KCNQ4: variants seen among roughly 807,000 people sequenced by gnomAD.
KCNQ4 encodes the protein potassium voltage-gated channel subfamily Q member 4.
In KCNQ4, 31 loss-of-function variants were observed where a neutral mutation model predicts 72.6. The observed-to-expected ratio is 0.43, with a 90% CI of 0.32 to 0.58. The LOEUF (loss-of-function observed/expected upper bound fraction) is 0.58, where lower values mean the gene tolerates loss of function less well. Among genes scored for constraint, KCNQ4 ranks in the 20% least tolerant of loss-of-function variants. The pLI is 0.08. For synonymous variants in KCNQ4, 405 were observed against 403.7 expected (o/e 1.00, Z -0.04); for missense variants, 869 against 962.6 (o/e 0.90, Z 1.29).
At chr1:40,807,435 C>T (rs1558001865) in intron 1 of KCNQ4, among the ~76,000 whole-genome samples, 1 of 152,194 alleles carries the variant, frequency 6.6e-6, no homozygotes, top group Non-Finnish European at 1.5e-5. Context: ...GTGGCGGCGG[C>T]CCTGGTGTGG....
chr1:40,795,417 G>A (rs1647384279), intron 1 of KCNQ4, among the ~76,000 whole-genome samples: 1 of 151,910 alleles, frequency 6.6e-6, no homozygotes, highest in Admixed American at 6.6e-5. Context: ...GCACGTCACG[G>A]CGCTAGGCTA....
chr1:40,826,697 AC>A, intron 9 of KCNQ4: 1 of 455,322 alleles, frequency 2.2e-6, no homozygotes, highest in South Asian at 1.6e-5. Context: ...AGACCGAGGT[AC>A]CCCCTCGCCT....
At position 40,824,236 on chromosome 1, in the gene KCNQ4, A is replaced by G. The variant is rs1648405832; in HGVS notation, c.1270A>G (p.Thr424Ala). 3 of 1,608,142 alleles carry G rather than the reference A, an allele frequency of 1.9e-6. No individual in the cohort carries two copies. The African/African-American group carries it at 4.0e-5, about 22-fold the overall frequency. ...PVATCHRPGS[T>A]SFCPGESSRM... is the part of the protein sequence containing the mutation. ...TGCCACCTGCCACCGGCCGGGCAGC[A>G]CCTCCTTCTGCCCTGGGGAAAGGTA... The change falls in exon 9 of 14, where the codon ACC (threonine) becomes GCC (alanine). Residue 424 changes from threonine to alanine, a missense_variant. By Grantham distance (58) the Thr-to-Ala change is moderately conservative. Around this residue, in one of 5 missense-constraint regions of KCNQ4, gnomAD observed 480 missense variants for 501.9 expected, o/e 0.96. Transcript: ENST00000347132.
intron 1 of KCNQ4, among the ~76,000 whole-genome samples, chr1:40,795,538 G>A (rs1432842362): frequency 2.6e-5 from 4 of 151,950 alleles, no homozygotes; most frequent in Admixed American, 6.5e-5. Context: ...CTGAGATTAC[G>A]GACATGAGCC....
chr1:40,837,924 G>A (rs1648853372), intron 13 of KCNQ4, 130 bp downstream of exon 13: 2 of 1,276,850 alleles, frequency 1.6e-6, no homozygotes, highest in Non-Finnish European at 1.1e-6. Flanking sequence ...CCCCCTCCCC[G>A]GCCGAAGCCC....
rs758101117 is a variant in KCNQ4, at chr1:40,822,347, C to T, written c.1075C>T (p.Arg359Trp). ...GCGCCTGTACTCCACCGATATGAGC[C>T]GGGCCTACCTGACAGCCACCTGGTA... ...AWRLYSTDMS[R>W]AYLTATWYYY... The change falls in exon 8 of 14, where the codon CGG (arginine) becomes TGG (tryptophan). Residue 359 changes from arginine (R) to tryptophan (W), a missense_variant. By Grantham distance (101) the Arg-to-Trp change is moderately radical (BLOSUM62 -3). Coordinates refer to ENST00000347132, the MANE Select transcript of KCNQ4 (RefSeq NM_004700.4). 7.5e-6 allele frequency: 11 copies of T among 1,472,438 alleles called. No homozygotes were observed. The highest frequency in any genetic ancestry group is 1.1e-5 in the South Asian group (1 of 89,068). 91.2% of individuals were successfully genotyped at this position (1,472,438 alleles called of 1,614,324 possible).
chr1:40,804,834 A>G, intron 1 of KCNQ4: 1 of 156,304 alleles, frequency 6.4e-6, no homozygotes, highest in Non-Finnish European at 1.4e-5. Context: ...AAAAAAAAAA[A>G]AAAGTCACAC....
intron 1 of KCNQ4, among the ~76,000 whole-genome samples, chr1:40,810,839 G>A (rs924518025): frequency 3.3e-5 from 5 of 152,188 alleles, no homozygotes; most frequent in African/African-American, 9.7e-5. Context: ...GTTTCTGACA[G>A]GGAAATTGAG....
intron 12 of KCNQ4, among the ~76,000 whole-genome samples, chr1:40,835,461 C>T (rs933789310): frequency 5.3e-5 from 8 of 152,220 alleles, no homozygotes; most frequent in Non-Finnish European, 1.2e-4. Flanking sequence ...CACTGCCCAC[C>T]TCTTGCCTCT....
chr1:40,819,119 A>G, intron 4 of KCNQ4: 3 of 363,950 alleles, frequency 8.2e-6, no homozygotes, highest in Non-Finnish European at 1.4e-5. Flanking sequence ...TGGAGACTCA[A>G]GGCAGGCGGG....
chr1:40,809,073 G>A (rs548800284), intron 1 of KCNQ4, among the ~76,000 whole-genome samples: 4 of 152,232 alleles, frequency 2.6e-5, no homozygotes, highest in South Asian at 2.1e-4. Context: ...CATTTTTCAC[G>A]CCTTATCTCA....
chr1:40,803,986 G>A (rs143334865), intron 1 of KCNQ4, among the ~76,000 whole-genome samples: 1 of 152,280 alleles, frequency 6.6e-6, no homozygotes, highest in Non-Finnish European at 1.5e-5. Context: ...TCAGCTCTTG[G>A]TGCTCTCTCT....
Position 40,794,771 on chromosome 1 carries a change from C to T in KCNQ4, c.314+10364C>T, listed in dbSNP as rs1439956326. 6.6e-6 allele frequency among the ~76,000 whole-genome samples: 1 copy of T among 152,142 alleles called. No homozygotes were observed. The highest frequency in any genetic ancestry group is 1.5e-5 in the Non-Finnish European group (1 of 68,024). On this transcript the variant is annotated intron_variant, in intron 1 of 13. Coordinates refer to ENST00000347132, the MANE Select transcript of KCNQ4 (RefSeq NM_004700.4). The surrounding 1 kb of genome is among the most constrained non-coding windows in gnomAD (Gnocchi z 4.2). ...AAAGTTGACAACCTTATGCAGTCCC[C>T]AAAGTGTTTTTGGAAATTTTACCGG...
chr1:40,806,631 T>A (rs1408800276), intron 1 of KCNQ4, among the ~76,000 whole-genome samples: 1 of 152,224 alleles, frequency 6.6e-6, no homozygotes, highest in Admixed American at 6.5e-5. Context: ...GCTTCTGTAC[T>A]ATTACATTTG....
At position 40,818,486 on chromosome 1, in the gene KCNQ4, G is replaced by C. The variant is rs749965609; in HGVS notation, c.533-19G>C. ...CGCGGGGTAGGCTGGCTGTGATCTC[G>C]CCGCCCCCGCCCCTGCAGACTTCAT... On this transcript the variant is annotated intron_variant, in intron 3 of 13. Transcript: ENST00000347132. 6 of 1,598,892 alleles carry C rather than the reference G, an allele frequency of 3.8e-6. No homozygotes were observed. Among genetic ancestry groups the C allele is most frequent in the Non-Finnish European group, 5.1e-6 (6 of 1,179,648 alleles).
In KCNQ4 at chr1:40,818,845, GC is replaced by G. The variant is rs949457920; in HGVS notation, c.708+166del. 130 of 734,530 alleles carry G rather than the reference GC, an allele frequency of 1.8e-4. 1 individual carries two copies. Among genetic ancestry groups the G allele is most frequent in the Admixed American group, 1.7e-4 (7 of 41,818 alleles). The allele number at this position is 734,530 out of a possible 1,614,324, so 45.5% of individuals were successfully genotyped here. The stretch of plus-strand genomic sequence containing the variant: ...AGGAGGCGAGGTCTAAGCGGGTGGG[GC>G]GAAGTGGATTCTGAATTAGGTAGGG... On this transcript the variant is annotated intron_variant, in intron 4 of 13. Transcript: ENST00000347132.
intron 3 of KCNQ4, 86 bp from the exon 4 acceptor site, chr1:40,818,419 T>C (rs1648165879): frequency 4.0e-6 from 6 of 1,509,160 alleles, no homozygotes; most frequent in Admixed American, 1.7e-5. Flanking sequence ...CCCTCCCCAG[T>C]CCCCTGCCAC....
At chr1:40,815,515 T>C (rs1648059932) in intron 1 of KCNQ4, among the ~76,000 whole-genome samples, 1 of 152,218 alleles carries the variant, frequency 6.6e-6, no homozygotes, top group Admixed American at 6.5e-5. Context: ...CTGCCTTTTT[T>C]GTGATTAATT....
chr1:40,812,554 G>A (rs1418140797), intron 1 of KCNQ4, among the ~76,000 whole-genome samples: 2 of 152,174 alleles, frequency 1.3e-5, no homozygotes, highest in African/African-American at 2.4e-5. Flanking sequence ...GAGCCACCGC[G>A]CCTCGTCCCA....
Sources: allele counts gnomAD v4.1 joint callset (sites outside exome capture counted in the v4.1 genomes callset), GRCh38; gene constraint gnomAD v4.1.1; regional missense constraint gnomAD v4.1.1; non-coding constraint Gnocchi (gnomAD v3.1); transcripts MANE v1.5; gene names NCBI Gene and HGNC (gene_info 2026-07-23, HGNC 2026-07-21).